ZNF407: variants seen among roughly 807,000 people sequenced by gnomAD.
The protein encoded by ZNF407 is zinc finger protein 407.
A neutral mutation model predicts 131.2 loss-of-function variants in ZNF407; 17 were observed. The ratio of observed to expected loss-of-function variants is 0.13; its 90% CI spans 0.09 to 0.19. ZNF407 has a LOEUF of 0.19. Among genes scored for constraint, ZNF407 ranks in the 10% least tolerant of loss-of-function variants. The probability of loss-of-function intolerance (pLI) is 1.00; values close to 1 mark genes in which losing one functional copy is unlikely to be tolerated. For missense variants in ZNF407, 2,681 were observed against 2,830.6 expected (o/e 0.95, Z 1.20); for synonymous variants, 1,156 against 1,062.0 (o/e 1.09, Z -1.72).
chr18:74,920,670 G>A lies in ZNF407; in HGVS notation c.5406G>A (p.Pro1802=), dbSNP rs376158956. The change falls in exon 8 of 9, where the codon CCG becomes CCA. Residue 1802 remains proline (P), a synonymous_variant. Coordinates refer to ENST00000299687, the MANE Select transcript of ZNF407 (RefSeq NM_017757.3). The stretch of plus-strand genomic sequence containing the variant: ...AACAGCATCCTGACATCGAAAACCC[G>A]GACCTCGCTTACCTGCATGCTGGTA... The part of the protein sequence containing the change: ...LKEQHPDIEN[P]DLAYLHAGIV... 2.2e-5 allele frequency: 36 copies of A among 1,608,296 alleles called. No individual in the cohort carries two copies. The highest frequency in any genetic ancestry group is 6.7e-5 in the East Asian group (3 of 44,700).
intron 3 of ZNF407, among the ~76,000 whole-genome samples, chr18:74,688,203 T>C (rs1159946398): frequency 6.6e-6 from 1 of 152,220 alleles, no homozygotes; most frequent in African/African-American, 2.4e-5. Flanking sequence ...GTGATTGCCT[T>C]TGAGAACAGA....
intron 8 of ZNF407, among the ~76,000 whole-genome samples, chr18:74,940,779 G>C (rs144329236): frequency 1.3e-5 from 2 of 152,220 alleles, no homozygotes; most frequent in Admixed American, 6.5e-5. Context: ...GTGAAGCGTC[G>C]CTCCCTCACT....
chr18:74,822,904 G>C (rs1199565998), intron 4 of ZNF407, among the ~76,000 whole-genome samples: 1 of 152,176 alleles, frequency 6.6e-6, no homozygotes, highest in Non-Finnish European at 1.5e-5. Flanking sequence ...CATAAGCATA[G>C]AATATTTTTC....
rs149003114 is a variant in ZNF407, at chr18:74,758,486, G to A, written c.4803-22942G>A. Reference sequence around the variant, plus strand: ...TTGTCCTGTTACTGTCATATAAAATGTATCTTTCTACTTTTATATCCATCA... The same window carrying A: ...TTGTCCTGTTACTGTCATATAAAATATATCTTTCTACTTTTATATCCATCA... On this transcript the variant is annotated intron_variant, in intron 3 of 8. Coordinates refer to ENST00000299687, the MANE Select transcript of ZNF407 (RefSeq NM_017757.3). 4.1e-3 allele frequency among the ~76,000 whole-genome samples: 631 copies of A among 152,108 alleles called. 2 individuals are homozygous for A. Among genetic ancestry groups the A allele is most frequent in the African/African-American group, 0.015 (604 of 41,498 alleles).
At chr18:74,785,783 CAT>C (rs10552421) in intron 4 of ZNF407, among the ~76,000 whole-genome samples, 20,570 of 149,786 alleles carry the variant, frequency 0.14, 2,467 homozygotes, top group African/African-American at 0.33. Context: ...ATGGCACACA[CAT>C]GTCACCCACA....
intron 3 of ZNF407, among the ~76,000 whole-genome samples, chr18:74,735,796 T>G (rs1188261365): frequency 6.6e-6 from 1 of 152,222 alleles, no homozygotes; most frequent in African/African-American, 2.4e-5. Flanking sequence ...ATTGGAAAGT[T>G]TGAGTATATT....
chr18:75,024,917 AG>A (rs1244945058), intron 8 of ZNF407, among the ~76,000 whole-genome samples: 3 of 152,206 alleles, frequency 2.0e-5, no homozygotes, highest in Non-Finnish European at 4.4e-5. Flanking sequence ...CAACCAGACT[AG>A]GTTGTACAAA....
intron 7 of ZNF407, among the ~76,000 whole-genome samples, chr18:74,901,915 G>GTTTTTT (rs34297257): frequency 6.7e-6 from 1 of 149,650 alleles, no homozygotes. Context: ...TATTTTTAAG[G>GTTTTTT]TTTTTTTTTT....
intron 8 of ZNF407, among the ~76,000 whole-genome samples, chr18:75,000,049 G>C (rs1972827583): frequency 6.6e-6 from 1 of 152,210 alleles, no homozygotes. Context: ...AACTCTGGGT[G>C]CTGGTGCTGT....
At chr18:74,803,270 C>G (rs1237406800) in intron 4 of ZNF407, among the ~76,000 whole-genome samples, 2 of 152,164 alleles carry the variant, frequency 1.3e-5, no homozygotes, top group Non-Finnish European at 2.9e-5. Flanking sequence ...GACATCAGCA[C>G]TGTGGTGGTT....
chr18:74,621,321 A>G (rs953527483), intron 1 of ZNF407, among the ~76,000 whole-genome samples: 1 of 152,088 alleles, frequency 6.6e-6, no homozygotes, highest in Non-Finnish European at 1.5e-5. Flanking sequence ...TTAAAGCAAT[A>G]AGCATTTATC....
chr18:74,700,578 A>G (rs1315529670), intron 3 of ZNF407, among the ~76,000 whole-genome samples: 2 of 152,120 alleles, frequency 1.3e-5, no homozygotes, highest in African/African-American at 4.8e-5. Flanking sequence ...CCCCAATTCT[A>G]GATCTCAGCT....
At chr18:75,017,798 T>C (rs1190757331) in intron 8 of ZNF407, among the ~76,000 whole-genome samples, 1 of 152,154 alleles carries the variant, frequency 6.6e-6, no homozygotes, top group Admixed American at 6.6e-5. Context: ...CCTGTCTCTT[T>C]TTAGTATAGC....
chr18:74,677,476 T>A (rs1296481256), intron 3 of ZNF407, among the ~76,000 whole-genome samples: 1 of 152,230 alleles, frequency 6.6e-6, no homozygotes, highest in East Asian at 1.9e-4. Context: ...TTGATTTATA[T>A]GTTCCTTGGG....
At position 74,635,225 on chromosome 18, in the gene ZNF407, A is replaced by G; in HGVS notation, c.4206A>G (p.Lys1402=). Residue 1402 remains lysine, a synonymous_variant, in exon 2 of 9, where the codon AAA becomes AAG. Transcript: ENST00000299687. The surrounding 1 kb of genome is among the most constrained non-coding windows in gnomAD (Gnocchi z 4.7). ...KDCAQGVKKK[K]SEGSSIGEST... ...GTGCTCAAGGTGTGAAAAAGAAGAA[A>G]TCTGAGGGCAGTTCCATTGGTGAGT... 1 of 1,613,788 alleles carries G rather than the reference A, an allele frequency of 6.2e-7. No homozygotes were observed. The highest frequency in any genetic ancestry group is 1.1e-5 in the South Asian group (1 of 91,064).
At chr18:74,832,487 C>G (rs1327939019) in intron 4 of ZNF407, among the ~76,000 whole-genome samples, 1 of 151,572 alleles carries the variant, frequency 6.6e-6, no homozygotes, top group African/African-American at 2.4e-5. Context: ...TAGGGTCTCA[C>G]TCTGTCACCC....
At chr18:74,828,823 G>A (rs994658595) in intron 4 of ZNF407, among the ~76,000 whole-genome samples, 2 of 152,222 alleles carry the variant, frequency 1.3e-5, no homozygotes, top group Non-Finnish European at 2.9e-5. Flanking sequence ...TTTTCCTAAT[G>A]CATAAAAGGG....
At chr18:74,859,964 A>G (rs976183236) in intron 4 of ZNF407, among the ~76,000 whole-genome samples, 1 of 152,208 alleles carries the variant, frequency 6.6e-6, no homozygotes, top group Non-Finnish European at 1.5e-5. Flanking sequence ...CAACACAGTT[A>G]AGATATTCAA....
chr18:74,920,965 T>A, intron 8 of ZNF407: 1 of 1,125,760 alleles, frequency 8.9e-7, no homozygotes. Context: ...TAAAGCATAG[T>A]TGACCTGAAA....
Sources: allele counts gnomAD v4.1 joint callset (sites outside exome capture counted in the v4.1 genomes callset), GRCh38; gene constraint gnomAD v4.1.1; non-coding constraint Gnocchi (gnomAD v3.1); transcripts MANE v1.5; gene names NCBI Gene and HGNC (gene_info 2026-07-23, HGNC 2026-07-21).